ELOVL6: variants seen among roughly 807,000 people sequenced by gnomAD.
ELOVL6 encodes very long chain fatty acid elongase 6.
ELOVL6 carries 8 observed loss-of-function variants against 31.7 expected under a neutral mutation model. The observed-to-expected ratio is 0.25, with a 90% confidence interval of 0.15 to 0.45. The LOEUF (loss-of-function observed/expected upper bound fraction) is 0.45. ELOVL6 is among the 20% of genes least tolerant of loss of function. The pLI is 1.00. For synonymous variants in ELOVL6, 101 were observed against 117.7 expected (o/e 0.86, Z 0.92); for missense variants, 126 against 326.4 (o/e 0.39, Z 4.73).
At chr4:110,054,349 T>C (rs559174453) in intron 3 of ELOVL6, among the ~76,000 whole-genome samples, 1 of 152,340 alleles carries the variant, frequency 6.6e-6, no homozygotes, top group East Asian at 1.9e-4. Flanking sequence ...GCTATTTTTG[T>C]ATCTGTCAGA....
chr4:110,066,568 G>C (rs898160509), intron 2 of ELOVL6, among the ~76,000 whole-genome samples: 2 of 150,556 alleles, frequency 1.3e-5, no homozygotes, highest in Admixed American at 1.3e-4. Flanking sequence ...GAACGCAGGA[G>C]GGGGAGCCTG....
intron 1 of ELOVL6, among the ~76,000 whole-genome samples, chr4:110,129,434 T>G (rs904920948): frequency 7.2e-5 from 11 of 152,214 alleles, no homozygotes; most frequent in Non-Finnish European, 1.2e-4. Flanking sequence ...CTAGCTTCAC[T>G]GGACTGGATC....
At chr4:110,154,053 T>G (rs1404393314) in intron 1 of ELOVL6, among the ~76,000 whole-genome samples, 1 of 152,116 alleles carries the variant, frequency 6.6e-6, no homozygotes, top group African/African-American at 2.4e-5. Flanking sequence ...TACCAGGCTT[T>G]TTGTCCATCA....
intron 2 of ELOVL6, among the ~76,000 whole-genome samples, chr4:110,092,611 G>A (rs1244709759): frequency 6.6e-6 from 1 of 152,148 alleles, no homozygotes; most frequent in Non-Finnish European, 1.5e-5. Context: ...GAAAAGTCTA[G>A]TATTTTTCCA....
At chr4:110,142,079 T>C (rs1183690054) in intron 1 of ELOVL6, among the ~76,000 whole-genome samples, 445 of 139,986 alleles carry the variant, frequency 3.2e-3, no homozygotes, top group African/African-American at 0.011. Flanking sequence ...TTTTTTTTTT[T>C]TTTTTTTTTG....
At chr4:110,112,213 G>C (rs1337425298) in intron 1 of ELOVL6, among the ~76,000 whole-genome samples, 1 of 152,196 alleles carries the variant, frequency 6.6e-6, no homozygotes, top group African/African-American at 2.4e-5. Flanking sequence ...TTCTATCCCT[G>C]AGGGCAGATG....
chr4:110,195,350 C>T (rs945888107), intron 1 of ELOVL6, among the ~76,000 whole-genome samples: 1 of 151,872 alleles, frequency 6.6e-6, no homozygotes, highest in Admixed American at 6.6e-5. Flanking sequence ...GAACTCCTGT[C>T]GTCAGGTAAT....
intron 1 of ELOVL6, among the ~76,000 whole-genome samples, chr4:110,172,264 G>A (rs1758971461): frequency 6.6e-6 from 1 of 152,150 alleles, no homozygotes; most frequent in African/African-American, 2.4e-5. Flanking sequence ...AGAATTTACT[G>A]CTTGCTTGGG....
intron 1 of ELOVL6, among the ~76,000 whole-genome samples, chr4:110,180,570 TA>T (rs1265136399): frequency 6.6e-6 from 1 of 152,184 alleles, no homozygotes; most frequent in Non-Finnish European, 1.5e-5. Flanking sequence ...TTTTTATTTT[TA>T]TTTTTTTAAT....
intron 1 of ELOVL6, among the ~76,000 whole-genome samples, chr4:110,115,161 T>C (rs1351094437): frequency 6.6e-6 from 1 of 152,024 alleles, no homozygotes; most frequent in African/African-American, 2.4e-5. Context: ...TCCCTCAATA[T>C]AAATTTTGAA....
chr4:110,105,778 C>G, intron 1 of ELOVL6, 150 bp from the exon 2 acceptor site: 1 of 665,640 alleles, frequency 1.5e-6, no homozygotes, highest in African/African-American at 1.8e-5. Context: ...ACACGGCAAA[C>G]TAGTGTTCTG....
At chr4:110,062,351 C>T (rs1177183160) in intron 2 of ELOVL6, among the ~76,000 whole-genome samples, 2 of 152,292 alleles carry the variant, frequency 1.3e-5, no homozygotes, top group South Asian at 2.1e-4. Flanking sequence ...TTCAGGGAAA[C>T]CGTCAGTGCC....
At position 110,060,682 on chromosome 4, in the gene ELOVL6, T is replaced by C. The variant is rs925425406; in HGVS notation, c.222-928A>G. On this transcript the variant is annotated intron_variant, in intron 2 of 3. Coordinates refer to ENST00000302274, the MANE Select transcript of ELOVL6 (RefSeq NM_024090.3). ...TTACGAAGTGAGCCCCTTAAGTGTA[T>C]GTCCCAGAGTGTGTGAACCATGCCC... 1.8e-4 allele frequency among the ~76,000 whole-genome samples: 28 copies of C among 152,292 alleles called. 1 individual carries two copies. Among genetic ancestry groups the C allele is most frequent in the Middle Eastern group, 3.4e-3 (1 of 294 alleles).
chr4:110,134,260 A>C (rs993822236), intron 1 of ELOVL6, among the ~76,000 whole-genome samples: 5 of 152,174 alleles, frequency 3.3e-5, no homozygotes, highest in South Asian at 2.1e-4. Context: ...GAGAGAACAT[A>C]TTTGACTGCA....
intron 2 of ELOVL6, among the ~76,000 whole-genome samples, chr4:110,069,172 G>A (rs200574851): frequency 0.016 from 1,522 of 94,968 alleles, 19 homozygotes; most frequent in East Asian, 0.13. Context: ...AATAATAATA[G>A]GGACACTTGG....
intron 1 of ELOVL6, among the ~76,000 whole-genome samples, chr4:110,112,564 C>T (rs761450751): frequency 2.6e-5 from 4 of 152,094 alleles, no homozygotes; most frequent in African/African-American, 4.8e-5. Context: ...CTCTAGTTAG[C>T]AAAATCAAAC....
intron 2 of ELOVL6, among the ~76,000 whole-genome samples, chr4:110,097,669 C>T (rs1423374855): frequency 6.6e-6 from 1 of 151,714 alleles, no homozygotes; most frequent in Non-Finnish European, 1.5e-5. Flanking sequence ...TATTCCTAGT[C>T]TCAGTTATTT....
chr4:110,175,720 CATCT>C (rs999909997), intron 1 of ELOVL6, among the ~76,000 whole-genome samples: 129 of 152,340 alleles, frequency 8.5e-4, no homozygotes, highest in African/African-American at 2.7e-3. Flanking sequence ...AGTTACATTA[CATCT>C]ATCATCCCTC....
At chr4:110,142,647 G>A (rs78522995) in intron 1 of ELOVL6, among the ~76,000 whole-genome samples, 3,199 of 152,232 alleles carry the variant, frequency 0.021, 114 homozygotes, top group African/African-American at 0.073. Flanking sequence ...AATCAAATGG[G>A]TCCTTCCTCC....
Sources: allele counts gnomAD v4.1 joint callset (sites outside exome capture counted in the v4.1 genomes callset), GRCh38; gene constraint gnomAD v4.1.1; transcripts MANE v1.5; gene names NCBI Gene and HGNC (gene_info 2026-07-23, HGNC 2026-07-21).